Variants in HSPA12B observed in about 807,000 individuals in gnomAD.
HSPA12B encodes the protein heat shock protein family A (Hsp70) member 12B.
A neutral mutation model predicts 69.3 loss-of-function variants in HSPA12B; 54 were observed. The ratio of observed to expected loss-of-function variants is 0.78; its 90% CI spans 0.63 to 0.98. The LOEUF (loss-of-function observed/expected upper bound fraction) is 0.98, where lower values mean the gene tolerates loss of function less well. HSPA12B is among the 50% of genes least tolerant of loss of function. HSPA12B has a pLI of 0.00. For synonymous variants in HSPA12B, 441 were observed against 436.5 expected (o/e 1.01, Z -0.13); for missense variants, 929 against 999.8 (o/e 0.93, Z 0.96).
rs862832 is a variant in HSPA12B at position 3,740,054 on chromosome 20, C to T, written c.44-761C>T. Among the ~76,000 whole-genome samples, 23,732 of 152,164 alleles carry T rather than the reference C, an allele frequency of 0.16. 2,020 individuals carry two copies. The highest frequency in any genetic ancestry group is 0.25 in the East Asian group (1,295 of 5,156). On this transcript the variant is annotated intron_variant, in intron 2 of 12. Coordinates refer to ENST00000254963, the MANE Select transcript of HSPA12B (RefSeq NM_052970.5). The surrounding 1 kb of genome is among the most constrained non-coding windows in gnomAD (Gnocchi z 4.9). ...CTGGGGCTGTCCTCCAGGGCTACTCCACTCCCTCCCACCAAAGGTCCAGCT... is the reference window on the plus strand; with the variant it reads ...CTGGGGCTGTCCTCCAGGGCTACTCTACTCCCTCCCACCAAAGGTCCAGCT...
chr20:3,749,455 C>T lies in HSPA12B; in HGVS notation c.937+137C>T. The stretch of plus-strand genomic sequence containing the variant: ...CCCAACCTGGCCGTCCCCTCACAGT[C>T]ACCCGCACCCCCACCCCACTCACAG... On this transcript the variant is annotated intron_variant, in intron 9 of 12. Coordinates refer to ENST00000254963, the MANE Select transcript of HSPA12B (RefSeq NM_052970.5). The surrounding 1 kb of genome is among the most constrained non-coding windows in gnomAD (Gnocchi z 5.5). 2.5e-6 allele frequency: 2 copies of T among 794,412 alleles called. No individual in the cohort carries two copies. The allele number at this position is 794,412 out of a possible 1,614,324, so 49.2% of individuals were successfully genotyped here.
chr20:3,745,935 A>G lies in HSPA12B; in HGVS notation c.579A>G (p.Pro193=). The change falls in exon 7 of 13, where the codon CCA becomes CCG. Residue 193 remains proline, a synonymous_variant. Transcript: ENST00000254963. This position sits in a 1 kb window ranked among gnomAD's most constrained non-coding sequence, Gnocchi z 5.6. ...ACCAGGAGCTGAGGGAGCAGAGCCC[A>G]TCGCTGCCAGAGAAGGACACTGTGC... ...HALQELREQS[P]SLPEKDTVRW... is the part of the protein sequence containing the mutation. 3 of 1,614,050 alleles carry G rather than the reference A, an allele frequency of 1.9e-6. No individual in the cohort carries two copies. Among genetic ancestry groups the G allele is most frequent in the Non-Finnish European group, 2.5e-6 (3 of 1,179,964 alleles).
At chr20:3,751,398 A>C (rs2088417422) in intron 12 of HSPA12B, 113 bp from the exon 13 acceptor site, 2 of 1,349,984 alleles carry the variant, frequency 1.5e-6, no homozygotes, top group Admixed American at 7.3e-5. Context: ...AGGTAGGTAC[A>C]GGCTAGGGAG....
Position 3,751,592 on chromosome 20 carries a change from A to G in HSPA12B, c.1487A>G (p.Gln496Arg). The G allele has an allele frequency of 8.5e-6, 13 of 1,521,340 alleles. No homozygotes were observed. The highest frequency in any genetic ancestry group is 1.1e-5 in the Non-Finnish European group (13 of 1,138,088). 94.2% of individuals were successfully genotyped at this position (1,521,340 alleles called of 1,614,324 possible). A position where few individuals can be genotyped will look rare whatever the true frequency, so the allele number is the denominator to read the frequency against. ...GGCTTCGCCGAGTCAGCGGTGCTGC[A>G]GCACGCGGTGCAGGCGGCGCTGGGC... ...VGGFAESAVLQHAVQAALGAR... is the reference protein window; with the variant it reads ...VGGFAESAVLRHAVQAALGAR... Residue 496 changes from glutamine to arginine, a missense_variant, in exon 13 of 13, where the codon CAG becomes CGG. Physicochemically the swap from Gln to Arg is conservative, Grantham distance 43. Coordinates refer to ENST00000254963, the MANE Select transcript of HSPA12B (RefSeq NM_052970.5).
chr20:3,748,514 A>C (rs2088350954), intron 8 of HSPA12B, 123 bp downstream of exon 8: 1 of 934,562 alleles, frequency 1.1e-6, no homozygotes, highest in Admixed American at 3.7e-5. Flanking sequence ...CAATTTGAGC[A>C]GGCAGAAACA....
chr20:3,752,173 GC>G lies in HSPA12B; in HGVS notation c.*9del. The G allele has an allele frequency of 6.9e-7, 1 of 1,449,960 alleles. No individual in the cohort carries two copies. Among genetic ancestry groups the G allele is most frequent in the Non-Finnish European group, 9.0e-7 (1 of 1,109,206 alleles). The allele number at this position is 1,449,960 out of a possible 1,614,324, so 89.8% of individuals were successfully genotyped here. ...CGACTTTCTTTCCAACTGAGGGCGC[GC>G]CGGCGCGGTGCCAGCGCCGTCTGCC... On this transcript the variant is annotated 3_prime_UTR_variant, in exon 13 of 13. Transcript: ENST00000254963.
rs2088424503 is a variant in HSPA12B, at chr20:3,751,668, C to T, written c.1563C>T (p.Leu521=). The change falls in exon 13 of 13, where the codon CTC becomes CTT. Residue 521 remains leucine, a synonymous_variant. Transcript: ENST00000254963. ...CGCACGACGTGGGCCTCACCATCCTCAAAGGCGCGGTGCTGTTCGGCCAGG... is the reference window on the plus strand; with the variant it reads ...CGCACGACGTGGGCCTCACCATCCTTAAAGGCGCGGTGCTGTTCGGCCAGG... ...VVPHDVGLTI[L]KGAVLFGQAP... The T allele has an allele frequency of 2.0e-6, 3 of 1,518,872 alleles. No individual in the cohort carries two copies. Among genetic ancestry groups the T allele is most frequent in the Admixed American group, 2.0e-5 (1 of 48,950 alleles). 94.1% of individuals were successfully genotyped at this position (1,518,872 alleles called of 1,614,324 possible).
In HSPA12B at chr20:3,740,695, G is replaced by C; in HGVS notation, c.44-120G>C. On this transcript the variant is annotated intron_variant, in intron 2 of 12. Coordinates refer to ENST00000254963, the MANE Select transcript of HSPA12B (RefSeq NM_052970.5). This position sits in a 1 kb window ranked among gnomAD's most constrained non-coding sequence, Gnocchi z 4.9. ...CACCCCGCAGTCCTCCTCCCCAGCA[G>C]AGAGCCCTTTGCCTTAGCCCAGCAA... 2 of 759,120 alleles carry C rather than the reference G, an allele frequency of 2.6e-6. No individual in the cohort carries two copies. Among genetic ancestry groups the C allele is most frequent in the Non-Finnish European group, 4.5e-6 (2 of 439,656 alleles). The allele number at this position is 759,120 out of a possible 1,614,324, so 47.0% of individuals were successfully genotyped here. A position where few individuals can be genotyped will look rare whatever the true frequency, so the allele number is the denominator to read the frequency against.
Position 3,745,035 on chromosome 20 carries a change from G to A in HSPA12B, c.400G>A (p.Ala134Thr), listed in dbSNP as rs1301424474. Reference sequence around the variant, plus strand: ...CTACCATGACCTGGACCCCGAAGAGGCGCGGGACTGGCTCTACTTCGAGAA... The same window carrying A: ...CTACCATGACCTGGACCCCGAAGAGACGCGGGACTGGCTCTACTTCGAGAA... ...DYYHDLDPEE[A>T]RDWLYFEKFK... Residue 134 changes from alanine to threonine, a missense_variant, in exon 5 of 13, where the codon GCG (alanine) becomes ACG (threonine). Coordinates refer to ENST00000254963, the MANE Select transcript of HSPA12B (RefSeq NM_052970.5). This position sits in a 1 kb window ranked among gnomAD's most constrained non-coding sequence, Gnocchi z 5.6. 6.2e-7 allele frequency: 1 copy of A among 1,613,898 alleles called. No homozygotes were observed. Among genetic ancestry groups the A allele is most frequent in the Non-Finnish European group, 8.5e-7 (1 of 1,180,044 alleles).
Position 3,745,051 on chromosome 20 carries a change from A to G in HSPA12B, c.416A>G (p.Tyr139Cys). 1.2e-6 allele frequency: 2 copies of G among 1,613,848 alleles called. No homozygotes were observed. Among genetic ancestry groups the G allele is most frequent in the African/African-American group, 2.7e-5 (2 of 75,026 alleles). The change falls in exon 5 of 13, where the codon TAC becomes TGC. Residue 139 changes from tyrosine to cysteine, a missense_variant. Physicochemically the swap from Tyr to Cys is radical, Grantham distance 194. Transcript: ENST00000254963. This position sits in a 1 kb window ranked among gnomAD's most constrained non-coding sequence, Gnocchi z 5.6. ...CCCGAAGAGGCGCGGGACTGGCTCT[A>G]CTTCGAGAAGTTCAAGATGAAGATC... ...LDPEEARDWL[Y>C]FEKFKMKIHS...
At chr20:3,738,858 GCA>G in intron 2 of HSPA12B, 141 bp downstream of exon 2, 2 of 648,192 alleles carry the variant, frequency 3.1e-6, no homozygotes, top group Non-Finnish European at 5.2e-6. Flanking sequence ...GTGTGTGTGT[GCA>G]TGTGTGCAGG....
chr20:3,745,648 C>T lies in HSPA12B; in HGVS notation c.558+51C>T. On this transcript the variant is annotated intron_variant, in intron 6 of 12. Transcript: ENST00000254963. This position sits in a 1 kb window ranked among gnomAD's most constrained non-coding sequence, Gnocchi z 5.6. ...ACTGTGGCAGGGACCCCCTATTTTCCCCTCATCCGAAACCGCTCCCCCATC... is the reference window on the plus strand; with the variant it reads ...ACTGTGGCAGGGACCCCCTATTTTCTCCTCATCCGAAACCGCTCCCCCATC... 6.5e-7 allele frequency: 1 copy of T among 1,535,400 alleles called. No individual in the cohort carries two copies. The highest frequency in any genetic ancestry group is 9.0e-7 in the Non-Finnish European group (1 of 1,111,430).
Position 3,752,332 on chromosome 20 carries a change from A to C in HSPA12B, c.*166A>C. 1 of 617,684 alleles carries C rather than the reference A, an allele frequency of 1.6e-6. No individual in the cohort carries two copies. The highest frequency in any genetic ancestry group is 2.5e-6 in the Non-Finnish European group (1 of 396,918). The allele number at this position is 617,684 out of a possible 1,614,324, so 38.3% of individuals were successfully genotyped here. A position where few individuals can be genotyped will look rare whatever the true frequency, so the allele number is the denominator to read the frequency against. ...AGGTCATGGGAGAGTGGGTGGGGAC[A>C]CACCCAGAGACTGGCTTTGGGATTG... is the stretch of plus-strand genomic sequence containing the variant. On this transcript the variant is annotated 3_prime_UTR_variant, in exon 13 of 13. Transcript: ENST00000254963.
At chr20:3,733,856 G>A (rs1257550729) in intron 1 of HSPA12B, among the ~76,000 whole-genome samples, 1 of 152,222 alleles carries the variant, frequency 6.6e-6, no homozygotes, top group Non-Finnish European at 1.5e-5. Flanking sequence ...AGTGAGGAGG[G>A]GAGCTGGAAT....
At chr20:3,742,091 A>G (rs914126752) in intron 3 of HSPA12B, among the ~76,000 whole-genome samples, 193 bp from the exon 4 acceptor site, 1 of 152,010 alleles carries the variant, frequency 6.6e-6, no homozygotes, top group Non-Finnish European at 1.5e-5. Context: ...AGACACGTCC[A>G]AGGCTCAGCC....
chr20:3,739,093 C>T (rs1463569131), intron 2 of HSPA12B, among the ~76,000 whole-genome samples: 1 of 152,162 alleles, frequency 6.6e-6, no homozygotes, highest in African/African-American at 2.4e-5. Context: ...CCACAGGACC[C>T]TGTGTGAGTG....
At chr20:3,748,003 G>A (rs1236026863) in intron 7 of HSPA12B, among the ~76,000 whole-genome samples, 1 of 152,250 alleles carries the variant, frequency 6.6e-6, no homozygotes, top group Non-Finnish European at 1.5e-5. Flanking sequence ...TGGCATATTT[G>A]GCCAGGGCCA....
rs750810788 is a variant in HSPA12B at position 3,749,966 on chromosome 20, C to T, written c.1043-3C>T. On this transcript the variant is annotated splice_region_variant and splice_polypyrimidine_tract_variant and intron_variant, in intron 10 of 12. Transcript: ENST00000254963. This position sits in a 1 kb window ranked among gnomAD's most constrained non-coding sequence, Gnocchi z 5.5. The stretch of plus-strand genomic sequence containing the variant: ...GCCCTCTTCGCCCCCTGCTCCACCC[C>T]AGGGGGCCCTTATGGCGCGGTGGGC... The T allele has an allele frequency of 5.1e-6, 8 of 1,562,364 alleles. No homozygotes were observed. The highest frequency in any genetic ancestry group is 4.7e-5 in the South Asian group (4 of 85,870).
chr20:3,750,039 C>G lies in HSPA12B; in HGVS notation c.1113C>G (p.Asp371Glu). 1 of 1,606,604 alleles carries G rather than the reference C, an allele frequency of 6.2e-7. No homozygotes were observed. Among genetic ancestry groups the G allele is most frequent in the Non-Finnish European group, 8.5e-7 (1 of 1,177,204 alleles). The stretch of plus-strand genomic sequence containing the variant: ...TGCTGTGCCGCATCTTCGGCGAGGA[C>G]TTCATCGCCACCTTCAAAAGGCAAC... ...EQLLCRIFGE[D>E]FIATFKRQRP... The change falls in exon 11 of 13, where the codon GAC becomes GAG. Residue 371 changes from aspartate to glutamate, a missense_variant. Physicochemically the swap from Asp to Glu is conservative, Grantham distance 45 (BLOSUM62 2). Coordinates refer to ENST00000254963, the MANE Select transcript of HSPA12B (RefSeq NM_052970.5).
Sources: allele counts gnomAD v4.1 joint callset (sites outside exome capture counted in the v4.1 genomes callset), GRCh38; gene constraint gnomAD v4.1.1; non-coding constraint Gnocchi (gnomAD v3.1); transcripts MANE v1.5; gene names NCBI Gene and HGNC (gene_info 2026-07-23, HGNC 2026-07-21).